PPEF1: variants seen among roughly 807,000 people sequenced by gnomAD.
PPEF1 encodes the protein serine/threonine-protein phosphatase with EF-hands 1.
PPEF1 carries 12 observed loss-of-function variants against 53.3 expected under a neutral mutation model. The ratio of observed to expected loss-of-function variants is 0.23; its 90% confidence interval spans 0.14 to 0.36. PPEF1 has a LOEUF of 0.36. Ranked by LOEUF, PPEF1 falls within the 10% of genes least tolerant of loss-of-function variation. The pLI is 1.00. For synonymous variants in PPEF1, 165 were observed against 176.7 expected, an observed-to-expected ratio of 0.93 and a Z score of 0.52; for missense variants, 334 against 490.4, an observed-to-expected ratio of 0.68 and a Z score of 3.01.
chrX:18,750,064 C>A, intron 4 of PPEF1, 112 bp downstream of exon 4: 1 of 751,839 alleles, frequency 1.3e-6, no homozygotes, highest in Non-Finnish European at 1.9e-6. Context: ...GAAAACAGTT[C>A]ACATTAAGTG....
At position 18,696,605 on chromosome X, in the gene PPEF1, A is replaced by AATAG. The variant is rs965699736; in HGVS notation, c.-312-1236_-312-1233dup. ...ATAGAAAAGTTAACAAGAATAAGAA[A>AATAG]ATAGATAAAAATATGAGTTCTGATG... On this transcript the variant is annotated intron_variant, in intron 4 of 21. Transcript: ENST00000361511. 2.7e-5 allele frequency among the ~76,000 whole-genome samples: 3 copies of AATAG among 112,122 alleles called. No homozygotes were observed. In the Admixed American group the frequency reaches 2.8e-4, roughly 11 times the overall value.
At chrX:18,779,731 T>A (rs2046046094) in intron 7 of PPEF1, among the ~76,000 whole-genome samples, 1 of 112,763 alleles carries the variant, frequency 8.9e-6, no homozygotes, top group African/African-American at 3.2e-5. Context: ...TAAGAATCTT[T>A]GCTGGAAGGC....
At chrX:18,766,142 G>C (rs1245583764) in intron 6 of PPEF1, among the ~76,000 whole-genome samples, 1 of 109,664 alleles carries the variant, frequency 9.1e-6, no homozygotes, top group African/African-American at 3.3e-5. Context: ...TGGTGTCTCA[G>C]ACGGGAGAAT....
intron 13 of PPEF1, 89 bp from the exon 14 acceptor site, chrX:18,823,834 C>G (rs2047112915): frequency 3.0e-6 from 3 of 991,789 alleles, no homozygotes; most frequent in Non-Finnish European, 4.1e-6. Flanking sequence ...AGCAGCTGGC[C>G]CCATGCTGCC....
chrX:18,809,408 T>TA (rs1470022610), intron 12 of PPEF1, among the ~76,000 whole-genome samples: 7 of 109,793 alleles, frequency 6.4e-5, no homozygotes, highest in African/African-American at 9.9e-5. Flanking sequence ...CCATCTGTTT[T>TA]AAAAAAAATA....
chrX:18,826,417 CTTTTTTTTTTT>C (rs58697941), intron 15 of PPEF1, among the ~76,000 whole-genome samples: 2 of 24,626 alleles, frequency 8.1e-5, no homozygotes, highest in Non-Finnish European at 6.5e-5. Flanking sequence ...TCATTTTCTG[CTTTTTTTTTTT>C]TTTTTTTTTT....
At chrX:18,712,737 AGCT>A (rs1488346413) in intron 1 of PPEF1, among the ~76,000 whole-genome samples, 1 of 111,955 alleles carries the variant, frequency 8.9e-6, no homozygotes, top group Non-Finnish European at 1.9e-5. Flanking sequence ...GTCTTATATC[AGCT>A]GTGTCTTTTT....
intron 12 of PPEF1, among the ~76,000 whole-genome samples, chrX:18,812,070 G>T (rs971332683): frequency 1.5e-4 from 17 of 111,569 alleles, no homozygotes; most frequent in Non-Finnish European, 3.0e-4. Context: ...GCCTAACTCA[G>T]AGTCATAAGG....
intron 7 of PPEF1, among the ~76,000 whole-genome samples, chrX:18,780,801 TC>T: frequency 9.1e-6 from 1 of 110,423 alleles, no homozygotes; most frequent in Non-Finnish European, 1.9e-5. Flanking sequence ...GCGCCTGTAA[TC>T]CCAGCACTTT....
intron 9 of PPEF1, 136 bp downstream of exon 9, chrX:18,784,184 T>C: frequency 1.8e-6 from 1 of 564,973 alleles, no homozygotes; most frequent in Non-Finnish European, 2.5e-6. Context: ...TTAGAGTATA[T>C]AAAAGTATAA....
intron 3 of PPEF1, among the ~76,000 whole-genome samples, chrX:18,739,642 A>G (rs980394967): frequency 1.8e-5 from 2 of 111,866 alleles, no homozygotes; most frequent in African/African-American, 6.5e-5. Flanking sequence ...TGCTGGGAGA[A>G]CCACTACTCT....
intron 7 of PPEF1, 124 bp from the exon 8 acceptor site, chrX:18,782,242 A>G (rs377563939): frequency 7.0e-6 from 4 of 568,778 alleles, no homozygotes; most frequent in East Asian, 7.1e-5. Flanking sequence ...AACACTTCCA[A>G]CTGAACTCTG....
At chrX:18,719,001 A>G (rs1027226099) in intron 1 of PPEF1, among the ~76,000 whole-genome samples, 4 of 112,286 alleles carry the variant, frequency 3.6e-5, no homozygotes, top group Non-Finnish European at 5.6e-5. Flanking sequence ...CAGTCAAGAT[A>G]TTATTTCCTG....
chrX:18,704,204 A>G (rs1011901468), upstream of PPEF1, among the ~76,000 whole-genome samples: 8 of 111,205 alleles, frequency 7.2e-5, no homozygotes, highest in African/African-American at 2.6e-4. Flanking sequence ...AGGATTACGA[A>G]TGAGAGCCAC....
chrX:18,705,671 C>T (rs563202675), upstream of PPEF1, among the ~76,000 whole-genome samples: 19 of 110,890 alleles, frequency 1.7e-4, no homozygotes, highest in South Asian at 2.7e-3. Flanking sequence ...GTCATGGTTG[C>T]GCCACTGCAC....
intron 6 of PPEF1, among the ~76,000 whole-genome samples, chrX:18,763,665 G>A (rs2045711603): frequency 9.0e-6 from 1 of 111,171 alleles, no homozygotes; most frequent in Admixed American, 9.6e-5. Context: ...ATAAGAGGTT[G>A]TATTCTGGAT....
intron 1 of PPEF1, among the ~76,000 whole-genome samples, chrX:18,684,370 C>CA (rs1161645409): frequency 1.8e-5 from 2 of 110,879 alleles, no homozygotes; most frequent in Non-Finnish European, 3.8e-5. Flanking sequence ...AGAAACTTGA[C>CA]AAAAGAGAAG....
At chrX:18,685,517 C>T (rs1478731499) in intron 2 of PPEF1, among the ~76,000 whole-genome samples, 1 of 109,965 alleles carries the variant, frequency 9.1e-6, no homozygotes, top group African/African-American at 3.3e-5. Context: ...AACCCCATCT[C>T]TACTAAAAAT....
chrX:18,813,832 A>AT (rs1186287482), intron 12 of PPEF1, among the ~76,000 whole-genome samples: 3 of 111,657 alleles, frequency 2.7e-5, no homozygotes, highest in Non-Finnish European at 5.6e-5. Context: ...GATTTTTGTG[A>AT]TTTTTTAAAA....
Sources: allele counts gnomAD v4.1 joint callset (sites outside exome capture counted in the v4.1 genomes callset), GRCh38; gene constraint gnomAD v4.1.1; transcripts MANE v1.5; gene names NCBI Gene and HGNC (gene_info 2026-07-23, HGNC 2026-07-21).